The following MYH7B variants were observed in gnomAD, a reference collection of about 807,000 sequenced individuals.
MYH7B encodes myosin-7B.
In MYH7B, 205 loss-of-function variants were observed where a neutral mutation model predicts 234.5. The ratio of observed to expected loss-of-function variants is 0.87; its 90% CI spans 0.78 to 0.98. The LOEUF (loss-of-function observed/expected upper bound fraction) is 0.98, where lower values mean the gene tolerates loss of function less well. Among genes scored for constraint, MYH7B ranks in the 50% least tolerant of loss-of-function variants. The pLI, the probability that MYH7B is intolerant of heterozygous loss-of-function variation, is 0.00. For missense variants in MYH7B, 2,652 were observed against 2,633.4 expected, an observed-to-expected ratio of 1.01 and a Z score of -0.15; for synonymous variants, 1,193 against 1,105.0, an observed-to-expected ratio of 1.08 and a Z score of -1.58.
intron 27 of MYH7B, 79 bp from the exon 28 acceptor site, chr20:34,995,252 TTCCTC>T (rs2082232382): frequency 1.4e-6 from 2 of 1,425,138 alleles, no homozygotes; most frequent in Non-Finnish European, 1.9e-6. Flanking sequence ...CAGAGGCAGT[TTCCTC>T]TCCAGGGCCT....
At position 34,997,132 on chromosome 20, in the gene MYH7B, C is replaced by CTGCA; in HGVS notation, c.3317_3318insGCAT (p.Leu1107HisfsTer125). On this transcript the variant is annotated frameshift_variant, in exon 31 of 45. Coordinates refer to ENST00000262873, the Ensembl canonical transcript of MYH7B. LOFTEE classifies it high-confidence loss of function. ...GAGCCTGCGGGTGGAAGACGAGCAG[C>CTGCA]TCTTGGGGGCCCAGATGCAGAAGAA... 1 of 1,549,316 alleles carries CTGCA rather than the reference C, an allele frequency of 6.5e-7. No homozygotes were observed. Among genetic ancestry groups the CTGCA allele is most frequent in the Non-Finnish European group, 8.7e-7 (1 of 1,146,832 alleles).
intron 10 of MYH7B, 148 bp from the exon 11 acceptor site, chr20:34,984,544 G>A (rs973848624): frequency 2.4e-5 from 17 of 706,926 alleles, no homozygotes; most frequent in Admixed American, 5.7e-5. Flanking sequence ...GGGTCAGGCC[G>A]AGGGGCTGAG....
chr20:34,993,701 C>T (rs773333807), intron 26 of MYH7B, among the ~76,000 whole-genome samples: 2 of 152,262 alleles, frequency 1.3e-5, no homozygotes, highest in Admixed American at 6.5e-5. Flanking sequence ...GGAGGGGTAG[C>T]GATGGCACCC....
chr20:34,993,761 C>T (rs2147220126), intron 26 of MYH7B, among the ~76,000 whole-genome samples: 1 of 152,376 alleles, frequency 6.6e-6, no homozygotes. Flanking sequence ...GATACTTTCT[C>T]TGCATTATCC....
intron 2 of MYH7B, among the ~76,000 whole-genome samples, chr20:34,959,469 T>C (rs140887625): frequency 4.2e-5 from 6 of 142,016 alleles, no homozygotes; most frequent in South Asian, 2.3e-4. Context: ...ATTTTATTTT[T>C]TTTCTTTCTT....
exon 10 of MYH7B, chr20:34,982,492 C>T (rs2081955268): frequency 9.3e-6 from 15 of 1,613,830 alleles, no homozygotes; most frequent in Non-Finnish European, 1.3e-5. Flanking sequence ...CGGTTAACAC[C>T]AAGCGGGTCA....
At chr20:34,981,056 A>C in exon 9 of MYH7B, 1 of 1,613,938 alleles carries the variant, frequency 6.2e-7, no homozygotes, top group Non-Finnish European at 8.5e-7. Flanking sequence ...GTCCATGCTG[A>C]TCACGTGAGT....
In MYH7B at chr20:35,001,429, AG is replaced by A; in HGVS notation, c.5581del. The A allele has an allele frequency of 6.3e-7, 1 of 1,597,892 alleles. No homozygotes were observed. The highest frequency in any genetic ancestry group is 8.5e-7 in the Non-Finnish European group (1 of 1,172,608). On this transcript the variant is annotated splice_acceptor_variant, in intron 42 of 44. Transcript: ENST00000262873. LOFTEE classifies it high-confidence loss of function. ...AGCCCTGAGTCCCCCTTGCCCGCCC[AG>A]GCCGAGGAGGACAGGAAGAACCTGG... is the stretch of plus-strand genomic sequence containing the variant.
exon 44 of MYH7B, chr20:35,001,950 G>A: frequency 6.2e-7 from 1 of 1,612,400 alleles, no homozygotes; most frequent in Non-Finnish European, 8.5e-7. Context: ...GCCCCCAGGA[G>A]CAGCAGGCCA....
intron 3 of MYH7B, among the ~76,000 whole-genome samples, 171 bp downstream of exon 3, chr20:34,975,670 A>G (rs1356579889): frequency 6.6e-6 from 1 of 152,090 alleles, no homozygotes; most frequent in Non-Finnish European, 1.5e-5. Context: ...ACTAATTCCT[A>G]ATAGGGTCTG....
At chr20:34,975,371 A>AC in intron 2 of MYH7B, 29 bp from the exon 3 acceptor site, 1 of 575,254 alleles carries the variant, frequency 1.7e-6, no homozygotes, top group South Asian at 2.2e-5. Context: ...TGCCTGGCTA[A>AC]TTTTTGTTTG....
chr20:34,995,486 G>A (rs755188244), exon 28 of MYH7B: 2 of 1,614,094 alleles, frequency 1.2e-6, no homozygotes, highest in African/African-American at 1.3e-5. Flanking sequence ...GCGCAAGCTG[G>A]AGGACGAGTG....
intron 6 of MYH7B, 44 bp from the exon 7 acceptor site, chr20:34,979,617 G>T (rs761879621): frequency 1.2e-6 from 2 of 1,612,366 alleles, no homozygotes; most frequent in Non-Finnish European, 1.7e-6. Context: ...GAGGTCGGTC[G>T]GTTCCTCCCG....
intron 2 of MYH7B, among the ~76,000 whole-genome samples, chr20:34,963,586 C>A (rs563556765): frequency 6.6e-6 from 1 of 152,238 alleles, no homozygotes; most frequent in African/African-American, 2.4e-5. Flanking sequence ...AAAATTTTGA[C>A]GAAGTCCAAT....
rs567046092 is a variant in MYH7B, at chr20:35,001,541, G to A, written c.5676+15G>A. On this transcript the variant is annotated intron_variant, in intron 43 of 44. Transcript: ENST00000262873. ...TTGAGGAGGCGGTGAGTGCGCTGGGGCCTGGACACCTGGACCGGGCACCCC... is the reference window on the plus strand; with the variant it reads ...TTGAGGAGGCGGTGAGTGCGCTGGGACCTGGACACCTGGACCGGGCACCCC... The A allele has an allele frequency of 5.8e-5, 93 of 1,590,546 alleles. No individual in the cohort carries two copies. Among genetic ancestry groups the A allele is most frequent in the Non-Finnish European group, 3.6e-5 (42 of 1,168,798 alleles).
chr20:34,975,373 T>TTTG, intron 2 of MYH7B, 27 bp from the exon 3 acceptor site: 1 of 576,896 alleles, frequency 1.7e-6, no homozygotes, highest in South Asian at 2.2e-5. Flanking sequence ...CCTGGCTAAT[T>TTTG]TTTGTTTGTT....
intron 8 of MYH7B, 75 bp downstream of exon 8, chr20:34,980,809 T>C (rs1289406788): frequency 6.4e-7 from 1 of 1,571,308 alleles, no homozygotes; most frequent in African/African-American, 1.4e-5. Flanking sequence ...AGGGACCCCC[T>C]TCCCCCACTG....
chr20:34,966,787 A>C (rs2081745694), intron 2 of MYH7B, among the ~76,000 whole-genome samples: 1 of 152,326 alleles, frequency 6.6e-6, no homozygotes, highest in Non-Finnish European at 1.5e-5. Flanking sequence ...TTGGCTAGGC[A>C]TGGTGAGGCA....
intron 2 of MYH7B, among the ~76,000 whole-genome samples, chr20:34,974,005 A>C (rs1195529929): frequency 2.0e-5 from 3 of 147,612 alleles, no homozygotes; most frequent in Non-Finnish European, 3.0e-5. Context: ...GCTCACTGCA[A>C]CCTCCGCCTC....
Sources: allele counts gnomAD v4.1 joint callset (sites outside exome capture counted in the v4.1 genomes callset), GRCh38; gene constraint gnomAD v4.1.1; transcripts MANE v1.5; gene names NCBI Gene and HGNC (gene_info 2026-07-23, HGNC 2026-07-21).